Variants in ULBP3 observed in about 807,000 individuals in gnomAD.
ULBP3 encodes the protein UL16-binding protein 3.
ULBP3 carries 25 observed loss-of-function variants against 24.9 expected under a neutral mutation model. The ratio of observed to expected loss-of-function variants is 1.00; its 90% CI spans 0.73 to 1.40. The LOEUF is 1.40. ULBP3 is among the 40% of genes most tolerant of loss of function. The pLI, the probability that ULBP3 is intolerant of heterozygous loss-of-function variation, is 0.00. For missense variants in ULBP3, 306 were observed against 307.5 expected, an observed-to-expected ratio of 1.00 and a Z score of 0.04; for synonymous variants, 114 against 114.7, an observed-to-expected ratio of 0.99 and a Z score of 0.04.
intron 4 of ULBP3, 136 bp from the exon 5 acceptor site, chr6:150,063,487 C>T (rs1425160417): frequency 1.7e-5 from 6 of 349,018 alleles, no homozygotes; most frequent in Non-Finnish European, 2.4e-5. Flanking sequence ...TCCAACCCTA[C>T]CCCTGGCTGT....
At chr6:150,065,794 T>G in intron 2 of ULBP3, 105 bp downstream of exon 2, 1 of 1,578,680 alleles carries the variant, frequency 6.3e-7, no homozygotes, top group South Asian at 1.2e-5. Flanking sequence ...CTGCCCTTGC[T>G]GCTGGGCTTC....
chr6:150,067,867 A>T (rs1776370428), intron 1 of ULBP3, among the ~76,000 whole-genome samples: 1 of 152,178 alleles, frequency 6.6e-6, no homozygotes, highest in Admixed American at 6.5e-5. Flanking sequence ...AAGCTGTGCC[A>T]CTCACAGCAG....
At chr6:150,067,952 G>A (rs947361038) in intron 1 of ULBP3, among the ~76,000 whole-genome samples, 29 of 152,296 alleles carry the variant, frequency 1.9e-4, no homozygotes, top group Middle Eastern at 3.4e-3. Flanking sequence ...AGCTATGGGA[G>A]GGCAGTGACC....
intron 1 of ULBP3, among the ~76,000 whole-genome samples, chr6:150,066,891 T>C (rs369000717): frequency 3.3e-5 from 5 of 152,204 alleles, no homozygotes; most frequent in East Asian, 3.9e-4. Flanking sequence ...GGGTAGGAGA[T>C]GCTCTTCCTG....
At position 150,066,011 on chromosome 6, in the gene ULBP3, C is replaced by T. The variant is rs1776341002; in HGVS notation, c.240G>A (p.Glu80=). 1 of 1,614,234 alleles carries T rather than the reference C, an allele frequency of 6.2e-7. No homozygotes were observed. The highest frequency in any genetic ancestry group is 8.5e-7 in the Non-Finnish European group (1 of 1,180,040). ...DKVLSMGHLE[E]QLYATDAWGK... ...CCCAGGCATCTGTGGCATACAGCTG[C>T]TCTTCTAGGTGACCCATAGATAAGA... The change falls in exon 2 of 5, where the codon GAG becomes GAA. Residue 80 remains glutamate (E), a synonymous_variant. Transcript: ENST00000367339.
intron 1 of ULBP3, among the ~76,000 whole-genome samples, chr6:150,067,490 T>A (rs1215514469): frequency 1.3e-5 from 2 of 152,210 alleles, no homozygotes; most frequent in Non-Finnish European, 2.9e-5. Flanking sequence ...TGGGGCAAAG[T>A]AACAGATGGA....
chr6:150,066,284 CGGTGGTCTCTGCCTGT>C, intron 1 of ULBP3, 122 bp from the exon 2 acceptor site: 1 of 1,165,490 alleles, frequency 8.6e-7, no homozygotes, highest in Admixed American at 2.5e-5. Context: ...TCTTCCTGGA[CGGTGGTCTCTGCCTGT>C]GGAGGAACCA....
chr6:150,065,836 A>G (rs1776337976), intron 2 of ULBP3, 63 bp downstream of exon 2: 4 of 1,596,966 alleles, frequency 2.5e-6, no homozygotes, highest in Non-Finnish European at 3.4e-6. Flanking sequence ...TCTTCTCCCC[A>G]CACACAGAAC....
At chr6:150,068,713 C>T (rs1469968489) in intron 1 of ULBP3, among the ~76,000 whole-genome samples, 3 of 152,234 alleles carry the variant, frequency 2.0e-5, no homozygotes, top group Admixed American at 6.5e-5. Context: ...CCCCTCCCCA[C>T]CTCGCCCTCT....
intron 1 of ULBP3, among the ~76,000 whole-genome samples, 178 bp downstream of exon 1, chr6:150,068,801 C>T (rs1776385162): frequency 6.6e-6 from 1 of 152,226 alleles, no homozygotes; most frequent in African/African-American, 2.4e-5. Context: ...GCAGGGCAAG[C>T]AGCAGCCGCA....
rs1220513232 is a variant in ULBP3 at position 150,062,936 on chromosome 6, A to G, written c.*438T>C. Reference sequence around the variant, plus strand: ...GCTAACAAGGTGAAACCCTGTCTCTACTAAAAATACAAAAAATTAGCCGGG... The same window carrying G: ...GCTAACAAGGTGAAACCCTGTCTCTGCTAAAAATACAAAAAATTAGCCGGG... On this transcript the variant is annotated 3_prime_UTR_variant, in exon 5 of 5. Coordinates refer to ENST00000367339, the MANE Select transcript of ULBP3 (RefSeq NM_024518.3). 6.6e-6 allele frequency among the ~76,000 whole-genome samples: 1 copy of G among 151,394 alleles called. No homozygotes were observed. The highest frequency in any genetic ancestry group is 1.9e-4 in the East Asian group (1 of 5,140).
At position 150,062,350 on chromosome 6, in the gene ULBP3, A is replaced by G. The variant is rs1022943124; in HGVS notation, c.*1024T>C. ...TTAGCTTATATTCCAGGATTTTCAC[A>G]GTTTTATTACCTGCGCAACATAGGA... On this transcript the variant is annotated 3_prime_UTR_variant, in exon 5 of 5. Coordinates refer to ENST00000367339, the MANE Select transcript of ULBP3 (RefSeq NM_024518.3). Among the ~76,000 whole-genome samples the G allele has an allele frequency of 2.6e-5, 4 of 152,160 alleles. No homozygotes were observed. The highest frequency in any genetic ancestry group is 9.7e-5 in the African/African-American group (4 of 41,444).
chr6:150,065,292 C>G (rs1776328714), intron 3 of ULBP3, 106 bp downstream of exon 3: 8 of 1,470,396 alleles, frequency 5.4e-6, no homozygotes, highest in Non-Finnish European at 7.4e-6. Flanking sequence ...TAGACTCACA[C>G]CCACTCACAC....
chr6:150,062,445 C>A lies in ULBP3; in HGVS notation c.*929G>T, dbSNP rs1230209087. 1.3e-5 allele frequency among the ~76,000 whole-genome samples: 2 copies of A among 152,126 alleles called. No homozygotes were observed. Among genetic ancestry groups the A allele is most frequent in the African/African-American group, 4.8e-5 (2 of 41,418 alleles). ...TGGCATGCGCCTGTAGTCCCAGCTACTCTAGAGGCTGAGTCTAGAGGATCA... is the reference window on the plus strand; with the variant it reads ...TGGCATGCGCCTGTAGTCCCAGCTAATCTAGAGGCTGAGTCTAGAGGATCA... On this transcript the variant is annotated 3_prime_UTR_variant, in exon 5 of 5. Coordinates refer to ENST00000367339, the MANE Select transcript of ULBP3 (RefSeq NM_024518.3).
rs879746101 is a variant in ULBP3, at chr6:150,062,536, C to T, written c.*838G>A. On this transcript the variant is annotated 3_prime_UTR_variant, in exon 5 of 5. Transcript: ENST00000367339. Reference sequence around the variant, plus strand: ...TGCCACTTCACTCCAATATGGTTGACAGAATGAGAAAATGTAAAAAAACTA... The same window carrying T: ...TGCCACTTCACTCCAATATGGTTGATAGAATGAGAAAATGTAAAAAAACTA... 1.3e-5 allele frequency among the ~76,000 whole-genome samples: 2 copies of T among 152,002 alleles called. No individual in the cohort carries two copies. Among genetic ancestry groups the T allele is most frequent in the Non-Finnish European group, 2.9e-5 (2 of 68,016 alleles).
intron 4 of ULBP3, among the ~76,000 whole-genome samples, chr6:150,063,599 T>C (rs1387244418): frequency 2.6e-5 from 4 of 152,080 alleles, no homozygotes; most frequent in African/African-American, 9.7e-5. Flanking sequence ...TAATGAGGGG[T>C]CTGCACCCTC....
rs765630678 is a variant in ULBP3 at position 150,065,444 on chromosome 6, C to T, written c.582G>A (p.Trp194Ter). Residue 194 changes from tryptophan (W) to a stop codon, truncating the protein, a stop_gained, in exon 3 of 5, where the codon TGG (tryptophan) becomes TGA (stop). Transcript: ENST00000367339. LOFTEE classifies it high-confidence loss of function. ...KMVSMRDCKS[W>*]LRDFLMHRKK... is the part of the protein sequence containing the mutation. ...TCCTGTGCATCAGGAAGTCCCTAAG[C>T]CAGCTCTTGCAGTCTCTCATTGAGA... 2 of 1,614,206 alleles carry T rather than the reference C, an allele frequency of 1.2e-6. No individual in the cohort carries two copies. The highest frequency in any genetic ancestry group is 1.7e-6 in the Non-Finnish European group (2 of 1,180,026).
In ULBP3 at chr6:150,067,630, G is replaced by A. The variant is rs138340343; in HGVS notation, c.88+1349C>T. 4.6e-3 allele frequency among the ~76,000 whole-genome samples: 693 copies of A among 152,256 alleles called. 11 individuals carry two copies. Among genetic ancestry groups the A allele is most frequent in the African/African-American group, 0.016 (657 of 41,536 alleles). On this transcript the variant is annotated intron_variant, in intron 1 of 4. Coordinates refer to ENST00000367339, the MANE Select transcript of ULBP3 (RefSeq NM_024518.3). Reference sequence around the variant, plus strand: ...GTTAATGTAGTAACTATTATAGTTTGTGCTGGTCATATGACCTCCCCTGTC... The same window carrying A: ...GTTAATGTAGTAACTATTATAGTTTATGCTGGTCATATGACCTCCCCTGTC...
rs779800228 is a variant in ULBP3 at position 150,065,470 on chromosome 6, C to T, written c.556G>A (p.Val186Ile). ...CAGCTCTTGCAGTCTCTCATTGAGACCATCTTGAAGAAGGTGGTCAGTCCG... is the reference window on the plus strand; with the variant it reads ...CAGCTCTTGCAGTCTCTCATTGAGATCATCTTGAAGAAGGTGGTCAGTCCG... ...DSGLTTFFKM[V>I]SMRDCKSWLR... The change falls in exon 3 of 5, where the codon GTC becomes ATC. Residue 186 changes from valine (V) to isoleucine (I), a missense_variant. Val to Ile is a conservative substitution (Grantham distance 29). Coordinates refer to ENST00000367339, the MANE Select transcript of ULBP3 (RefSeq NM_024518.3). The T allele has an allele frequency of 1.2e-6, 2 of 1,614,154 alleles. No homozygotes were observed. Among genetic ancestry groups the T allele is most frequent in the Non-Finnish European group, 1.7e-6 (2 of 1,180,008 alleles).
Sources: gnomAD v4.1 joint callset for allele counts (sites outside exome capture counted in the v4.1 genomes callset) on GRCh38, gnomAD v4.1.1 for gene constraint, MANE v1.5 for transcripts, NCBI Gene and HGNC (gene_info 2026-07-23, HGNC 2026-07-21) for gene names.